HINT2: variants seen among roughly 807,000 people sequenced by gnomAD.
HINT2 encodes adenosine 5'-monophosphoramidase HINT2.
HINT2 carries 17 observed loss-of-function variants against 20.0 expected under a neutral mutation model. That is an observed-to-expected ratio of 0.85 (90% CI 0.58 to 1.27). The LOEUF (loss-of-function observed/expected upper bound fraction) is 1.27, where lower values mean the gene tolerates loss of function less well. Ranked by LOEUF, HINT2 falls within the 50% of genes most tolerant of loss-of-function variation. The pLI, the probability that HINT2 is intolerant of heterozygous loss-of-function variation, is 0.00. For missense variants in HINT2, 217 were observed against 211.9 expected (o/e 1.02, Z -0.15); for synonymous variants, 96 against 84.2 (o/e 1.14, Z -0.77).
Position 35,814,998 on chromosome 9 carries a change from A to G in HINT2, c.-19T>C, listed in dbSNP as rs766338678. The G allele has an allele frequency of 6.9e-7, 1 of 1,444,146 alleles. No individual in the cohort carries two copies. Among genetic ancestry groups the G allele is most frequent in the South Asian group, 1.4e-5 (1 of 73,208 alleles). 89.5% of individuals were successfully genotyped at this position (1,444,146 alleles called of 1,614,324 possible). A position where few individuals can be genotyped will look rare whatever the true frequency, so the allele number is the denominator to read the frequency against. On this transcript the variant is annotated 5_prime_UTR_variant, in exon 1 of 5. Transcript: ENST00000259667. ...CCGCCATCTTCCCTGAGCCGCGGGA[A>G]CCTCTCACCCGGGTCAGCACTCGGC... is the stretch of plus-strand genomic sequence containing the variant.
At position 35,813,511 on chromosome 9, in the gene HINT2, C is replaced by G; in HGVS notation, c.261G>C (p.Val87=). 6.2e-7 allele frequency: 1 copy of G among 1,614,134 alleles called. No individual in the cohort carries two copies. Among genetic ancestry groups the G allele is most frequent in the South Asian group, 1.1e-5 (1 of 91,068 alleles). The part of the protein sequence containing the change: ...VFRDVAPQAP[V]HFLVIPKKPI... Reference sequence around the variant, plus strand: ...GCTTCTTAGGAATGACCAGGAAGTGCACAGGAGCCTGAGGGGCCACATCAC... The same window carrying G: ...GCTTCTTAGGAATGACCAGGAAGTGGACAGGAGCCTGAGGGGCCACATCAC... The change falls in exon 3 of 5, where the codon GTG becomes GTC. Residue 87 remains valine, a synonymous_variant. Transcript: ENST00000259667.
At position 35,813,238 on chromosome 9, in the gene HINT2, GAGGGACCA is replaced by G. The variant is rs773255231; in HGVS notation, c.400+20_400+27del. The G allele has an allele frequency of 1.9e-6, 3 of 1,613,532 alleles. No individual in the cohort carries two copies. The highest frequency in any genetic ancestry group is 2.5e-6 in the Non-Finnish European group (3 of 1,179,568). On this transcript the variant is annotated intron_variant, in intron 4 of 4. Coordinates refer to ENST00000259667, the MANE Select transcript of HINT2 (RefSeq NM_032593.3). ...GAAGTAGGAATGAGAATTCATAGGT[GAGGGACCA>G]AGGGCCAAAAGTCACTCACCAAGTC...
chr9:35,813,582 C>A (rs777786127), intron 2 of HINT2, 33 bp from the exon 3 acceptor site: 1 of 1,614,098 alleles, frequency 6.2e-7, no homozygotes, highest in Non-Finnish European at 8.5e-7. Flanking sequence ...GGCCACGTTA[C>A]TTCAACAGGT....
At chr9:35,815,234 CG>C (rs1828991179), upstream of HINT2, 2 of 427,030 alleles carry the variant, frequency 4.7e-6, no homozygotes, top group Non-Finnish European at 8.3e-6. Context: ...TCTTCTAGTC[CG>C]TGTGAACGTT....
At chr9:35,814,481 A>C in intron 1 of HINT2, 3 of 166,390 alleles carry the variant, frequency 1.8e-5, no homozygotes, top group East Asian at 1.7e-4. Flanking sequence ...ACGGGACGGA[A>C]TGAATTCTCT....
Position 35,813,088 on chromosome 9 carries a change from A to G in HINT2, c.458T>C (p.Leu153Pro). Residue 153 changes from leucine to proline, a missense_variant, in exon 5 of 5, where the codon CTT (leucine) becomes CCT (proline). Physicochemically the swap from Leu to Pro is moderately conservative, Grantham distance 98 (BLOSUM62 -3). Coordinates refer to ENST00000259667, the MANE Select transcript of HINT2 (RefSeq NM_032593.3). ...QSVYHLHIHVLGGRQLQWPPG is the reference protein window; with the variant it reads ...QSVYHLHIHVPGGRQLQWPPG ...AGGCCACTGGAGCTGCCGGCCCCCA[A>G]GTACATGAATGTGCAGATGATACAC... The G allele has an allele frequency of 6.2e-7, 1 of 1,614,248 alleles. No individual in the cohort carries two copies. Among genetic ancestry groups the G allele is most frequent in the Non-Finnish European group, 8.5e-7 (1 of 1,180,040 alleles).
chr9:35,813,996 T>C (rs541943692), intron 1 of HINT2: 13 of 580,522 alleles, frequency 2.2e-5, no homozygotes, highest in Non-Finnish European at 3.4e-5. Flanking sequence ...AGCAGTGCAA[T>C]TGATTCCTGC....
At position 35,813,721 on chromosome 9, in the gene HINT2, C is replaced by G. The variant is rs1330453721; in HGVS notation, c.145G>C (p.Gly49Arg). ...GAGAAGATGGTTGGGGCTGCTCCCC[C>G]AGGAGTTGCCTGCTGGGCCTTGGCC... The part of the protein sequence containing the change: ...EVAKAQQATP[G>R]GAAPTIFSRI... The change falls in exon 2 of 5, where the codon GGG becomes CGG. Residue 49 changes from glycine (G) to arginine (R), a missense_variant. By Grantham distance (125) the Gly-to-Arg change is moderately radical (BLOSUM62 -2). Transcript: ENST00000259667. 4 of 1,614,162 alleles carry G rather than the reference C, an allele frequency of 2.5e-6. No individual in the cohort carries two copies. Among genetic ancestry groups the G allele is most frequent in the Non-Finnish European group, 3.4e-6 (4 of 1,180,008 alleles).
rs757960939 is a variant in HINT2, at chr9:35,813,466, C to A, written c.306G>T (p.Gln102His). Residue 102 changes from glutamine (Q) to histidine (H), a missense_variant, in exon 3 of 5, where the codon CAG (glutamine) becomes CAT (histidine). Physicochemically the swap from Gln to His is conservative, Grantham distance 24. Coordinates refer to ENST00000259667, the MANE Select transcript of HINT2 (RefSeq NM_032593.3). ...IPKKPIPRISQAEEEDQQLLG... is the reference protein window; with the variant it reads ...IPKKPIPRISHAEEEDQQLLG... Reference sequence around the variant, plus strand: ...CCACCTGCTGGTCTTCTTCTTCAGCCTGGCTAATCCGAGGAATGGGCTTCT... The same window carrying A: ...CCACCTGCTGGTCTTCTTCTTCAGCATGGCTAATCCGAGGAATGGGCTTCT... 1 of 1,614,168 alleles carries A rather than the reference C, an allele frequency of 6.2e-7. No individual in the cohort carries two copies. The highest frequency in any genetic ancestry group is 8.5e-7 in the Non-Finnish European group (1 of 1,180,032).
chr9:35,813,342 TAG>T lies in HINT2; in HGVS notation c.328-6_328-5del. ...CAAGGAGTAGGTGTCCTAGAAGCTA[TAG>T]AGAGAGCGGAGGGACATAGGTGGCT... On this transcript the variant is annotated splice_polypyrimidine_tract_variant and splice_region_variant and intron_variant, in intron 3 of 4. Transcript: ENST00000259667. 3 of 1,613,676 alleles carry T rather than the reference TAG, an allele frequency of 1.9e-6. No homozygotes were observed. The highest frequency in any genetic ancestry group is 1.1e-5 in the South Asian group (1 of 91,072).
intron 1 of HINT2, 134 bp downstream of exon 1, chr9:35,814,765 C>CG: frequency 1.3e-6 from 1 of 744,296 alleles, no homozygotes; most frequent in Non-Finnish European, 2.0e-6. Flanking sequence ...CACACAGCCC[C>CG]GGAGCTTGTG....
chr9:35,813,638 C>A lies in HINT2; in HGVS notation c.222+6G>T. Reference sequence around the variant, plus strand: ...CCTAAGGGGATAGGTCCTAAGAGCACCCCACCTGCTGGTCCTCATAGAGAA... The same window carrying A: ...CCTAAGGGGATAGGTCCTAAGAGCAACCCACCTGCTGGTCCTCATAGAGAA... On this transcript the variant is annotated splice_donor_region_variant and intron_variant, in intron 2 of 4. Transcript: ENST00000259667. The A allele has an allele frequency of 6.2e-7, 1 of 1,614,086 alleles. No individual in the cohort carries two copies. The highest frequency in any genetic ancestry group is 8.5e-7 in the Non-Finnish European group (1 of 1,179,986).
rs777285491 is a variant in HINT2, at chr9:35,813,635, G to C, written c.222+9C>G. 1 of 1,614,090 alleles carries C rather than the reference G, an allele frequency of 6.2e-7. No homozygotes were observed. Among genetic ancestry groups the C allele is most frequent in the South Asian group, 1.1e-5 (1 of 91,084 alleles). ...ATTCCTAAGGGGATAGGTCCTAAGA[G>C]CACCCCACCTGCTGGTCCTCATAGA... On this transcript the variant is annotated intron_variant, in intron 2 of 4. Coordinates refer to ENST00000259667, the MANE Select transcript of HINT2 (RefSeq NM_032593.3).
intron 1 of HINT2, 27 bp downstream of exon 1, chr9:35,814,872 C>T (rs1360770627): frequency 2.7e-6 from 4 of 1,480,526 alleles, no homozygotes; most frequent in Non-Finnish European, 2.7e-6. Context: ...CGCAGGACCC[C>T]CTACTCGCTC....
chr9:35,813,092 C>T lies in HINT2; in HGVS notation c.454G>A (p.Val152Ile). ...AQSVYHLHIH[V>I]LGGRQLQWPP... ...CACTGGAGCTGCCGGCCCCCAAGTA[C>T]ATGAATGTGCAGATGATACACAGAT... The change falls in exon 5 of 5, where the codon GTA becomes ATA. Residue 152 changes from valine (V) to isoleucine (I), a missense_variant. Val to Ile is a conservative substitution (Grantham distance 29). Coordinates refer to ENST00000259667, the MANE Select transcript of HINT2 (RefSeq NM_032593.3). 1.2e-6 allele frequency: 2 copies of T among 1,614,226 alleles called. No homozygotes were observed. The highest frequency in any genetic ancestry group is 2.2e-5 in the East Asian group (1 of 44,892).
At position 35,812,998 on chromosome 9, in the gene HINT2, T is replaced by TTGGA; in HGVS notation, c.*55_*56insTCCA. ...GTTTTATTAGCATCACAGGGTCCAT[T>TTGGA]TTTCCCTTTCCATCCAAGCATCCAG... On this transcript the variant is annotated 3_prime_UTR_variant, in exon 5 of 5. Transcript: ENST00000259667. The TTGGA allele has an allele frequency of 7.3e-7, 1 of 1,365,768 alleles. No individual in the cohort carries two copies. Among genetic ancestry groups the TTGGA allele is most frequent in the South Asian group, 1.2e-5 (1 of 86,210 alleles). 84.6% of individuals were successfully genotyped at this position (1,365,768 alleles called of 1,614,324 possible).
intron 4 of HINT2, 28 bp downstream of exon 4, chr9:35,813,238 G>A: frequency 6.2e-7 from 1 of 1,613,650 alleles, no homozygotes; most frequent in South Asian, 1.1e-5. Context: ...ATTCATAGGT[G>A]AGGGACCAAG....
rs575546640 is a variant in HINT2, at chr9:35,813,082, C to A, written c.464G>T (p.Gly155Val). ...VYHLHIHVLG[G>V]RQLQWPPG is the part of the protein sequence containing the mutation. ...ACCTGGAGGCCACTGGAGCTGCCGG[C>A]CCCCAAGTACATGAATGTGCAGATG... Residue 155 changes from glycine (G) to valine (V), a missense_variant, in exon 5 of 5, where the codon GGC (glycine) becomes GTC (valine). Transcript: ENST00000259667. 9 of 1,614,142 alleles carry A rather than the reference C, an allele frequency of 5.6e-6. No individual in the cohort carries two copies. In the South Asian group the frequency reaches 8.8e-5, roughly 16 times the overall value.
Position 35,814,818 on chromosome 9 carries a change from C to T in HINT2, c.81+81G>A, listed in dbSNP as rs143962419. The T allele has an allele frequency of 9.8e-3, 12,362 of 1,260,382 alleles. 88 individuals carry two copies. Among genetic ancestry groups the T allele is most frequent in the Non-Finnish European group, 0.012 (11,044 of 949,472 alleles). The allele number at this position is 1,260,382 out of a possible 1,614,324, so 78.1% of individuals were successfully genotyped here. A position where few individuals can be genotyped will look rare whatever the true frequency, so the allele number is the denominator to read the frequency against. ...CCACAGGCAGGAGCTCTGCGCGGCT[C>T]TGCGCGCCTTCGGGACCCCCTGGCC... On this transcript the variant is annotated intron_variant, in intron 1 of 4. Transcript: ENST00000259667.
Sources: gnomAD v4.1 joint callset for allele counts on GRCh38, gnomAD v4.1.1 for gene constraint, MANE v1.5 for transcripts, NCBI Gene and HGNC (gene_info 2026-07-23, HGNC 2026-07-21) for gene names.